Variants in DCUN1D4 observed in about 807,000 individuals in gnomAD.
The protein encoded by DCUN1D4 is defective in cullin neddylation 1 domain containing 4.
DCUN1D4 carries 22 observed loss-of-function variants against 47.9 expected under a neutral mutation model. That is an observed-to-expected ratio of 0.46 (90% confidence interval 0.33 to 0.66). The LOEUF is 0.66. Among genes scored for constraint, DCUN1D4 ranks in the 30% least tolerant of loss-of-function variants. The pLI is 0.02. For missense variants in DCUN1D4, 301 were observed against 340.8 expected (o/e 0.88, Z 0.92); for synonymous variants, 121 against 112.2 (o/e 1.08, Z -0.50).
upstream of DCUN1D4, among the ~76,000 whole-genome samples, chr4:51,840,016 T>G (rs1721592752): frequency 6.6e-6 from 1 of 152,200 alleles, no homozygotes; most frequent in South Asian, 2.1e-4. Context: ...ATAGAAAAAT[T>G]CCAATTAAAT....
chr4:51,906,780 C>T (rs1732961997), intron 8 of DCUN1D4, among the ~76,000 whole-genome samples: 1 of 152,232 alleles, frequency 6.6e-6, no homozygotes, highest in Non-Finnish European at 1.5e-5. Context: ...ATAGAGCCCA[C>T]TGGCCTGTAT....
At chr4:51,851,415 C>T (rs945810314) in intron 1 of DCUN1D4, among the ~76,000 whole-genome samples, 12 of 152,106 alleles carry the variant, frequency 7.9e-5, no homozygotes, top group Non-Finnish European at 1.5e-5. Context: ...TATGCATGTG[C>T]AGGTGGCATA....
At chr4:51,881,255 A>G (rs1325189634) in intron 5 of DCUN1D4, among the ~76,000 whole-genome samples, 2 of 152,268 alleles carry the variant, frequency 1.3e-5, no homozygotes, top group Non-Finnish European at 1.5e-5. Context: ...CAGTTATACT[A>G]AAGCTCACAT....
chr4:51,878,501 C>A (rs1728035644), intron 5 of DCUN1D4, among the ~76,000 whole-genome samples: 1 of 152,140 alleles, frequency 6.6e-6, no homozygotes. Context: ...ATTCTAGCAA[C>A]CTTTAAACCA....
At position 51,911,130 on chromosome 4, in the gene DCUN1D4, G is replaced by A. The variant is rs1733658364; in HGVS notation, c.676G>A (p.Gly226Arg). Residue 226 changes from glycine to arginine, a missense_variant, in exon 9 of 11, where the codon GGA becomes AGA. Physicochemically the swap from Gly to Arg is moderately radical, Grantham distance 125. Around this residue, in one of 2 missense-constraint regions of DCUN1D4, gnomAD observed 170 missense variants for 234.5 expected, o/e 0.73. Coordinates refer to ENST00000334635, the MANE Select transcript of DCUN1D4 (RefSeq NM_001040402.3). ...TAKCMLGLLL[G>R]KIWPLFPVFH... The stretch of plus-strand genomic sequence containing the variant: ...CAAGTGCATGTTGGGACTGTTATTA[G>A]GAAAAATCTGGCCCCTTTTTCCAGT... The A allele has an allele frequency of 1.2e-6, 2 of 1,611,972 alleles. No homozygotes were observed. The highest frequency in any genetic ancestry group is 3.4e-5 in the Admixed American group (2 of 59,570).
intron 8 of DCUN1D4, chr4:51,905,087 C>G (rs765976144): frequency 5.1e-6 from 2 of 391,912 alleles, no homozygotes; most frequent in Non-Finnish European, 5.4e-6. Context: ...CTGATCATTT[C>G]TTTCTTCCCC....
intron 8 of DCUN1D4, 67 bp from the exon 9 acceptor site, chr4:51,911,003 A>G: frequency 6.9e-7 from 1 of 1,448,826 alleles, no homozygotes; most frequent in Non-Finnish European, 9.7e-7. Context: ...GTGAATACAC[A>G]TTTGCAATTA....
chr4:51,885,859 A>T (rs1729406860), intron 5 of DCUN1D4, among the ~76,000 whole-genome samples: 1 of 152,212 alleles, frequency 6.6e-6, no homozygotes. Context: ...AGTTTTGTGA[A>T]AAAAGAACTG....
At chr4:51,848,299 G>A in intron 1 of DCUN1D4, 1 of 1,288,870 alleles carries the variant, frequency 7.8e-7, no homozygotes, top group Non-Finnish European at 1.0e-6. Flanking sequence ...GTTTGTGAAT[G>A]TGCACACGTC....
rs903740877 is a variant in DCUN1D4, at chr4:51,867,018, G to A, written c.136+3309G>A. Among the ~76,000 whole-genome samples the A allele has an allele frequency of 9.8e-5, 15 of 152,330 alleles. 1 individual carries two copies. The highest frequency in any genetic ancestry group is 1.9e-4 in the East Asian group (1 of 5,186). On this transcript the variant is annotated intron_variant, in intron 3 of 10. Transcript: ENST00000334635. The stretch of plus-strand genomic sequence containing the variant: ...GTGAGTTAGACATGGAGCAGCACAC[G>A]GTGTGTGGGTGAGCAAGCACCCGCT...
intron 6 of DCUN1D4, among the ~76,000 whole-genome samples, chr4:51,888,907 T>G (rs1729981629): frequency 6.6e-6 from 1 of 151,892 alleles, no homozygotes; most frequent in Non-Finnish European, 1.5e-5. Flanking sequence ...GGTCAGGAGT[T>G]CAGACCAGCC....
At chr4:51,875,840 T>C (rs907001167) in intron 4 of DCUN1D4, among the ~76,000 whole-genome samples, 1 of 152,234 alleles carries the variant, frequency 6.6e-6, no homozygotes, top group Non-Finnish European at 1.5e-5. Flanking sequence ...CTCTTGGTTC[T>C]TTTTTATGTA....
chr4:51,907,488 T>C (rs1380085306), intron 8 of DCUN1D4, among the ~76,000 whole-genome samples: 2 of 152,220 alleles, frequency 1.3e-5, no homozygotes, highest in Non-Finnish European at 2.9e-5. Flanking sequence ...GTGGCCTCAA[T>C]TGGAACACCA....
In DCUN1D4 at chr4:51,891,744, T is replaced by A; in HGVS notation, c.415-16T>A. The A allele has an allele frequency of 6.4e-7, 1 of 1,573,568 alleles. No individual in the cohort carries two copies. Among genetic ancestry groups the A allele is most frequent in the Non-Finnish European group, 8.7e-7 (1 of 1,153,730 alleles). On this transcript the variant is annotated splice_polypyrimidine_tract_variant and intron_variant, in intron 6 of 10. Transcript: ENST00000334635. ...TGTAATATATTTTTTTTTAATTGTGTATTTTTTTTTAACAGGTAGTTATGC... is the reference window on the plus strand; with the variant it reads ...TGTAATATATTTTTTTTTAATTGTGAATTTTTTTTTAACAGGTAGTTATGC...
In DCUN1D4 at chr4:51,888,479, G is replaced by T. The variant is rs764248753; in HGVS notation, c.414+1841G>T. Among the ~76,000 whole-genome samples the T allele has an allele frequency of 2.0e-5, 3 of 152,112 alleles. No individual in the cohort carries two copies. The East Asian group carries it at 5.8e-4, about 29-fold the overall frequency. ...TTTCTGGCCTGGCATGATGGCTCAC[G>T]CCTGTAATCCCAGCACTTTGGGAGG... On this transcript the variant is annotated intron_variant, in intron 6 of 10. Coordinates refer to ENST00000334635, the MANE Select transcript of DCUN1D4 (RefSeq NM_001040402.3).
intron 1 of DCUN1D4, 37 bp downstream of exon 1, chr4:51,843,304 G>A (rs759289502): frequency 2.0e-6 from 3 of 1,507,356 alleles, no homozygotes; most frequent in South Asian, 1.2e-5. Context: ...GCCGGGGCCG[G>A]GCGGCTGCCA....
At chr4:51,862,489 A>G (rs138382240) in intron 1 of DCUN1D4, among the ~76,000 whole-genome samples, 49 of 152,320 alleles carry the variant, frequency 3.2e-4, no homozygotes, top group African/African-American at 1.1e-3. Context: ...AAAATGTTTC[A>G]GTAAAGGGAG....
chr4:51,913,441 T>C, intron 10 of DCUN1D4, 49 bp downstream of exon 10: 1 of 1,577,142 alleles, frequency 6.3e-7, no homozygotes, highest in South Asian at 1.1e-5. Flanking sequence ...TTCTATATCA[T>C]CCTCATTGGG....
intron 1 of DCUN1D4, among the ~76,000 whole-genome samples, chr4:51,848,564 C>T (rs1353820968): frequency 1.3e-5 from 2 of 152,106 alleles, no homozygotes; most frequent in African/African-American, 4.8e-5. Flanking sequence ...TTGGTCAACT[C>T]GAATTGGTAT....
Sources: allele counts gnomAD v4.1 joint callset (sites outside exome capture counted in the v4.1 genomes callset), GRCh38; gene constraint gnomAD v4.1.1; regional missense constraint gnomAD v4.1.1; transcripts MANE v1.5; gene names NCBI Gene and HGNC (gene_info 2026-07-23, HGNC 2026-07-21).